MINAR2: variants seen among roughly 807,000 people sequenced by gnomAD.
MINAR2 encodes membrane integral NOTCH2 associated receptor 2, also known as major intrinsically disordered NOTCH2-binding receptor 1-like.
MINAR2 carries 21 observed loss-of-function variants against 16.1 expected under a neutral mutation model. The ratio of observed to expected loss-of-function variants is 1.31; its 90% confidence interval spans 0.93 to 1.88. MINAR2 has a LOEUF of 1.88. Ranked by LOEUF, MINAR2 falls within the 40% of genes most tolerant of loss-of-function variation. The probability of loss-of-function intolerance (pLI) is 0.00; values close to 1 mark genes in which losing one functional copy is unlikely to be tolerated. For synonymous variants in MINAR2, 86 were observed against 83.0 expected, an observed-to-expected ratio of 1.04 and a Z score of -0.20; for missense variants, 259 against 229.8, an observed-to-expected ratio of 1.13 and a Z score of -0.82.
chr5:129,763,016 A>G (rs2149547077), intron 2 of MINAR2, among the ~76,000 whole-genome samples: 1 of 152,332 alleles, frequency 6.6e-6, no homozygotes, highest in East Asian at 1.9e-4. Context: ...TTTGAATGCT[A>G]CACTTAGGAA....
intron 1 of MINAR2, among the ~76,000 whole-genome samples, chr5:129,754,479 C>A (rs1322056861): frequency 1.3e-5 from 2 of 152,112 alleles, no homozygotes; most frequent in Non-Finnish European, 2.9e-5. Context: ...ATGCATAGAT[C>A]AAAATGGAGA....
chr5:129,755,870 T>G (rs983119237), intron 1 of MINAR2, among the ~76,000 whole-genome samples: 2 of 152,096 alleles, frequency 1.3e-5, no homozygotes, highest in Non-Finnish European at 2.9e-5. Flanking sequence ...ATTTATTCAA[T>G]GGCTTTATTT....
chr5:129,761,719 A>G (rs1758138177), intron 2 of MINAR2, among the ~76,000 whole-genome samples: 1 of 152,236 alleles, frequency 6.6e-6, no homozygotes, highest in Non-Finnish European at 1.5e-5. Context: ...CCCTACTATT[A>G]GAAAAAAAAG....
At chr5:129,760,720 AT>A in intron 2 of MINAR2, 115 bp downstream of exon 2, 1 of 761,518 alleles carries the variant, frequency 1.3e-6, no homozygotes. Flanking sequence ...GAATCTCTAG[AT>A]TTCAGAGCAT....
chr5:129,766,117 G>T lies in MINAR2; in HGVS notation c.*1054G>T, dbSNP rs1231516094. 2.0e-5 allele frequency: 3 copies of T among 152,162 alleles called. No homozygotes were observed. The highest frequency in any genetic ancestry group is 4.4e-5 in the Non-Finnish European group (3 of 68,036). The allele number at this position is 152,162 out of a possible 1,614,324, so 9.4% of individuals were successfully genotyped here. On this transcript the variant is annotated 3_prime_UTR_variant, in exon 3 of 3. Transcript: ENST00000564719. ...GGGGACATGGTTGTAGACACAGATG[G>T]GGAATCAAGTCACCATCCTGCCCTT...
At chr5:129,751,130 A>T (rs993080766) in intron 1 of MINAR2, among the ~76,000 whole-genome samples, 5 of 152,222 alleles carry the variant, frequency 3.3e-5, no homozygotes, top group Admixed American at 3.3e-4. Flanking sequence ...TTATCATCTA[A>T]CTTTTAAAAT....
At position 129,766,273 on chromosome 5, in the gene MINAR2, AT is replaced by A. The variant is rs1476283175; in HGVS notation, c.*1214del. ...CTTCTTCTCATGAGCCTAAAGTCAG[AT>A]TTTGTCCCTTGATATTGCCATATCA... is the stretch of plus-strand genomic sequence containing the variant. On this transcript the variant is annotated 3_prime_UTR_variant, in exon 3 of 3. Coordinates refer to ENST00000564719, the MANE Select transcript of MINAR2 (RefSeq NM_001257308.2). 1 of 152,220 alleles carries A rather than the reference AT, an allele frequency of 6.6e-6. No homozygotes were observed. Among genetic ancestry groups the A allele is most frequent in the African/African-American group, 2.4e-5 (1 of 41,460 alleles). The allele number at this position is 152,220 out of a possible 1,614,324, so 9.4% of individuals were successfully genotyped here. A position where few individuals can be genotyped will look rare whatever the true frequency, so the allele number is the denominator to read the frequency against.
At chr5:129,753,789 G>C (rs1758018502) in intron 1 of MINAR2, among the ~76,000 whole-genome samples, 2 of 146,584 alleles carry the variant, frequency 1.4e-5, no homozygotes, top group African/African-American at 5.1e-5. Flanking sequence ...GTCAGAGAGA[G>C]AGAGAGACAG....
chr5:129,753,753 A>AAG (rs150136899), intron 1 of MINAR2, among the ~76,000 whole-genome samples: 46 of 149,168 alleles, frequency 3.1e-4, no homozygotes, highest in Admixed American at 9.4e-4. Context: ...ACTCCGTTGA[A>AAG]AGAGAGAGAG....
intron 1 of MINAR2, among the ~76,000 whole-genome samples, chr5:129,756,735 T>A (rs1758058610): frequency 6.6e-6 from 1 of 151,994 alleles, no homozygotes. Context: ...GTTGAGACTA[T>A]TTTATTAGAT....
At position 129,766,634 on chromosome 5, in the gene MINAR2, T is replaced by TAAAAAAAAAAAAAAAAA. The variant is rs35872824; in HGVS notation, c.*1577_*1593dup. On this transcript the variant is annotated 3_prime_UTR_variant, in exon 3 of 3. Transcript: ENST00000564719. ...CCTGGGTGACAGAGTGAGACTTCCA[T>TAAAAAAAAAAAAAAAAA]AAAAAAAAAAAAAAAAAAAAAACAA... is the stretch of plus-strand genomic sequence containing the variant. The TAAAAAAAAAAAAAAAAA allele has an allele frequency of 6.0e-4, 62 of 103,532 alleles. No homozygotes were observed. The highest frequency in any genetic ancestry group is 1.5e-3 in the African/African-American group (30 of 19,728). 6.4% of individuals were successfully genotyped at this position (103,532 alleles called of 1,614,324 possible). A position where few individuals can be genotyped will look rare whatever the true frequency, so the allele number is the denominator to read the frequency against.
chr5:129,757,861 G>GT (rs1277855546), intron 1 of MINAR2, among the ~76,000 whole-genome samples: 5 of 151,752 alleles, frequency 3.3e-5, no homozygotes, highest in African/African-American at 7.3e-5. Flanking sequence ...ACATTTATCA[G>GT]TTTTTTTGCT....
chr5:129,764,415 C>T (rs1758181089), intron 2 of MINAR2, among the ~76,000 whole-genome samples: 1 of 152,156 alleles, frequency 6.6e-6, no homozygotes, highest in Admixed American at 6.5e-5. Flanking sequence ...GAAAACCCCA[C>T]CAAGCATGTT....
intron 1 of MINAR2, among the ~76,000 whole-genome samples, chr5:129,757,768 C>A (rs1261264088): frequency 6.6e-6 from 1 of 151,892 alleles, no homozygotes. Flanking sequence ...GTATTCATTT[C>A]TCTTACTTTA....
At chr5:129,758,937 G>A (rs573309426) in intron 1 of MINAR2, among the ~76,000 whole-genome samples, 2 of 151,984 alleles carry the variant, frequency 1.3e-5, no homozygotes, top group South Asian at 4.1e-4. Context: ...AGCAGACCAA[G>A]GACCTATTAA....
chr5:129,750,812 T>G (rs1757976633), intron 1 of MINAR2, among the ~76,000 whole-genome samples: 1 of 152,194 alleles, frequency 6.6e-6, no homozygotes, highest in Non-Finnish European at 1.5e-5. Flanking sequence ...CGCATGCACG[T>G]GTGTGCACAT....
At position 129,766,708 on chromosome 5, in the gene MINAR2, A is replaced by G. The variant is rs1758226298; in HGVS notation, c.*1645A>G. ...AAAAAAGAGACAGTTTTACTGGACA[A>G]TAAAGTTGTTGTGTAGAAAAAAAAC... On this transcript the variant is annotated 3_prime_UTR_variant, in exon 3 of 3. Transcript: ENST00000564719. The G allele has an allele frequency of 6.6e-6, 1 of 152,002 alleles. No individual in the cohort carries two copies. Among genetic ancestry groups the G allele is most frequent in the Non-Finnish European group, 1.5e-5 (1 of 68,058 alleles). The allele number at this position is 152,002 out of a possible 1,614,324, so 9.4% of individuals were successfully genotyped here.
Position 129,766,233 on chromosome 5 carries a change from A to G in MINAR2, c.*1170A>G, listed in dbSNP as rs1283793903. 2 of 152,240 alleles carry G rather than the reference A, an allele frequency of 1.3e-5. No homozygotes were observed. Among genetic ancestry groups the G allele is most frequent in the African/African-American group, 2.4e-5 (1 of 41,466 alleles). The allele number at this position is 152,240 out of a possible 1,614,324, so 9.4% of individuals were successfully genotyped here. On this transcript the variant is annotated 3_prime_UTR_variant, in exon 3 of 3. Coordinates refer to ENST00000564719, the MANE Select transcript of MINAR2 (RefSeq NM_001257308.2). ...CAAAGGCTATCTTATGCAAGAAACA[A>G]AAGAGGGACTTTCTCTTCTTCTCAT... is the stretch of plus-strand genomic sequence containing the variant.
intron 1 of MINAR2, among the ~76,000 whole-genome samples, chr5:129,758,408 TAA>T (rs1474322291): frequency 6.6e-6 from 1 of 152,060 alleles, no homozygotes; most frequent in African/African-American, 2.4e-5. Context: ...CTCTCAGACA[TAA>T]ATTCACATGC....
Sources: gnomAD v4.1 joint callset for allele counts (sites outside exome capture counted in the v4.1 genomes callset) on GRCh38, gnomAD v4.1.1 for gene constraint, MANE v1.5 for transcripts, NCBI Gene and HGNC (gene_info 2026-07-23, HGNC 2026-07-21) for gene names.